TRHDE: variants seen among roughly 807,000 people sequenced by gnomAD.
TRHDE encodes thyrotropin-releasing hormone-degrading ectoenzyme.
TRHDE carries 72 observed loss-of-function variants against 125.7 expected under a neutral mutation model. The ratio of observed to expected loss-of-function variants is 0.57; its 90% CI spans 0.47 to 0.70. The LOEUF is 0.70. Ranked by LOEUF, TRHDE falls within the 30% of genes least tolerant of loss-of-function variation. The pLI is 0.00. For missense variants in TRHDE, 1,110 were observed against 1,327.1 expected (o/e 0.84, Z 2.54); for synonymous variants, 509 against 509.1 (o/e 1.00, Z 0.00).
At chr12:72,327,021 T>A (rs1428638532) in intron 2 of TRHDE, among the ~76,000 whole-genome samples, 1 of 152,190 alleles carries the variant, frequency 6.6e-6, no homozygotes, top group African/African-American at 2.4e-5. Flanking sequence ...CCTTTAAGCA[T>A]ACATTTTTGC....
intron 12 of TRHDE, among the ~76,000 whole-genome samples, chr12:72,581,635 A>G (rs1871231361): frequency 2.0e-5 from 3 of 152,210 alleles, no homozygotes; most frequent in Non-Finnish European, 2.9e-5. Flanking sequence ...AAATTCTGTT[A>G]TAGACTACTC....
intron 3 of TRHDE, among the ~76,000 whole-genome samples, chr12:72,430,310 T>TATAC (rs1565738171): frequency 2.1e-5 from 3 of 144,798 alleles, no homozygotes; most frequent in Non-Finnish European, 3.0e-5. Flanking sequence ...TATATATATG[T>TATAC]ATATATACAT....
At chr12:72,404,030 T>C (rs1873159710) in intron 3 of TRHDE, among the ~76,000 whole-genome samples, 1 of 152,190 alleles carries the variant, frequency 6.6e-6, no homozygotes, top group Non-Finnish European at 1.5e-5. Context: ...TCTGTGTGTG[T>C]GTGTCTGTGT....
intron 3 of TRHDE, among the ~76,000 whole-genome samples, chr12:72,424,683 A>G (rs1016558838): frequency 6.6e-6 from 1 of 152,244 alleles, no homozygotes; most frequent in East Asian, 1.9e-4. Context: ...TCCCAGTATG[A>G]ACTTGTTTAT....
intron 2 of TRHDE, among the ~76,000 whole-genome samples, chr12:72,169,274 T>C (rs960867886): frequency 6.6e-6 from 1 of 152,176 alleles, no homozygotes; most frequent in South Asian, 2.1e-4. Context: ...GTCACAACTC[T>C]GATAAATCAT....
At chr12:72,404,429 G>A (rs1873179891) in intron 3 of TRHDE, among the ~76,000 whole-genome samples, 1 of 152,020 alleles carries the variant, frequency 6.6e-6, no homozygotes, top group Admixed American at 6.6e-5. Flanking sequence ...AACAGAGTGA[G>A]ATTCTGTCTC....
intron 1 of TRHDE, among the ~76,000 whole-genome samples, chr12:72,282,156 C>A (rs774670512): frequency 1.3e-5 from 2 of 152,108 alleles, no homozygotes; most frequent in Non-Finnish European, 2.9e-5. Context: ...TTTAGGAAAG[C>A]AGGAGAATAA....
At chr12:72,110,122 CAA>C (rs1875282739) in intron 2 of TRHDE, among the ~76,000 whole-genome samples, 1 of 152,024 alleles carries the variant, frequency 6.6e-6, no homozygotes, top group Non-Finnish European at 1.5e-5. Flanking sequence ...TGGGAATCTG[CAA>C]GTTTAAGATG....
intron 2 of TRHDE, among the ~76,000 whole-genome samples, chr12:72,320,543 C>CTGTG (rs59244019): frequency 0.17 from 23,699 of 143,014 alleles, 2,099 homozygotes; most frequent in Non-Finnish European, 0.19. Flanking sequence ...AGAGGGTTGA[C>CTGTG]TGTGTGTGTG....
intron 3 of TRHDE, among the ~76,000 whole-genome samples, chr12:72,451,042 T>C (rs1592454452): frequency 1.3e-5 from 2 of 152,170 alleles, no homozygotes; most frequent in African/African-American, 4.8e-5. Flanking sequence ...TAACCCTTCA[T>C]CAGGTATATA....
intron 2 of TRHDE, among the ~76,000 whole-genome samples, chr12:72,124,349 A>G (rs1337308961): frequency 1.3e-5 from 2 of 152,144 alleles, no homozygotes; most frequent in African/African-American, 4.8e-5. Flanking sequence ...GTCATAGGAG[A>G]AGATAGGAGA....
chr12:72,521,727 C>T lies in TRHDE; in HGVS notation c.1723-20564C>T, dbSNP rs17111281. ...TTCCCCAAACTGTTTTCCAGCTCCA[C>T]GATTTTAAGATGAAATGTGCAAACA... On this transcript the variant is annotated intron_variant, in intron 6 of 18. Transcript: ENST00000261180. Among the ~76,000 whole-genome samples, 705 of 152,286 alleles carry T rather than the reference C, an allele frequency of 4.6e-3. 5 individuals are homozygous for T. Among genetic ancestry groups the T allele is most frequent in the Middle Eastern group, 0.014 (4 of 294 alleles).
intron 13 of TRHDE, among the ~76,000 whole-genome samples, chr12:72,619,870 C>T (rs974600611): frequency 6.6e-6 from 1 of 152,036 alleles, no homozygotes; most frequent in Admixed American, 6.6e-5. Flanking sequence ...AAGTGGATTC[C>T]TGTGACATGA....
At chr12:72,549,675 A>G (rs1279404619) in intron 7 of TRHDE, among the ~76,000 whole-genome samples, 2 of 151,860 alleles carry the variant, frequency 1.3e-5, no homozygotes, top group Admixed American at 6.6e-5. Context: ...TGACCTAACT[A>G]TAACGGAAAA....
intron 4 of TRHDE, 58 bp downstream of exon 4, chr12:72,469,970 A>G (rs1454408900): frequency 5.2e-6 from 8 of 1,546,852 alleles, no homozygotes; most frequent in Non-Finnish European, 7.1e-6. Context: ...AATGATTTTG[A>G]ATACCTACAT....
intron 3 of TRHDE, among the ~76,000 whole-genome samples, chr12:72,393,503 T>C (rs1872681302): frequency 6.6e-6 from 1 of 152,114 alleles, no homozygotes; most frequent in Non-Finnish European, 1.5e-5. Flanking sequence ...ACAGTGAATC[T>C]CAGAGAACAC....
chr12:72,121,609 G>A (rs1010906556), intron 2 of TRHDE, among the ~76,000 whole-genome samples: 1 of 152,014 alleles, frequency 6.6e-6, no homozygotes, highest in Admixed American at 6.6e-5. Context: ...GAGAGGTGAT[G>A]GTAGCTATTC....
At chr12:72,350,618 T>C (rs1870539252) in intron 2 of TRHDE, among the ~76,000 whole-genome samples, 1 of 151,958 alleles carries the variant, frequency 6.6e-6, no homozygotes, top group Non-Finnish European at 1.5e-5. Context: ...GATGGCTTGT[T>C]CTACTTGTCT....
At chr12:72,098,607 T>C (rs1874992548) in intron 1 of TRHDE, among the ~76,000 whole-genome samples, 1 of 152,192 alleles carries the variant, frequency 6.6e-6, no homozygotes, top group African/African-American at 2.4e-5. Flanking sequence ...TTGTGTCCCA[T>C]AGTCTAGGCT....
Sources: allele counts gnomAD v4.1 joint callset (sites outside exome capture counted in the v4.1 genomes callset), GRCh38; gene constraint gnomAD v4.1.1; transcripts MANE v1.5; gene names NCBI Gene and HGNC (gene_info 2026-07-23, HGNC 2026-07-21).